The following SLC30A2 variants were observed in gnomAD, a reference collection of about 807,000 sequenced individuals.
SLC30A2 encodes solute carrier family 30 member 2, also known as proton-coupled zinc antiporter SLC30A2.
A neutral mutation model predicts 39.6 loss-of-function variants in SLC30A2; 19 were observed. The ratio of observed to expected loss-of-function variants is 0.48; its 90% CI spans 0.34 to 0.70. The LOEUF (loss-of-function observed/expected upper bound fraction) is 0.70, where lower values mean the gene tolerates loss of function less well. Among genes scored for constraint, SLC30A2 ranks in the 30% least tolerant of loss-of-function variants. SLC30A2 has a pLI of 0.01. For missense variants in SLC30A2, 387 were observed against 479.4 expected (o/e 0.81, Z 1.80); for synonymous variants, 195 against 194.8 (o/e 1.00, Z -0.01).
Position 26,039,182 on chromosome 1 carries a change from G to T in SLC30A2, c.1097C>A (p.Ala366Glu). ...DYSEDMKDCQ[A>E]CQGPSD is the part of the protein sequence containing the mutation. ...CAGTCAGTCTGAGGGGCCCTGGCAT[G>T]CCTGACAGTCCTTCATGTCCTCCGA... The change falls in exon 8 of 8, where the codon GCA becomes GAA. Residue 366 changes from alanine (A) to glutamate (E), a missense_variant. Transcript: ENST00000374276. This position sits in a 1 kb window ranked among gnomAD's most constrained non-coding sequence, Gnocchi z 4.3. The T allele has an allele frequency of 6.2e-7, 1 of 1,614,074 alleles. No homozygotes were observed. The highest frequency in any genetic ancestry group is 1.1e-5 in the South Asian group (1 of 91,084).
intron 2 of SLC30A2, 117 bp from the exon 3 acceptor site, chr1:26,044,561 C>T (rs538795869): frequency 1.0e-6 from 1 of 972,130 alleles, no homozygotes; most frequent in Non-Finnish European, 1.5e-6. Flanking sequence ...ATCTCTCTAC[C>T]CATGAGCTGT....
chr1:26,042,758 G>T, intron 4 of SLC30A2, 50 bp from the exon 5 acceptor site: 1 of 1,574,228 alleles, frequency 6.4e-7, no homozygotes, highest in Non-Finnish European at 8.7e-7. Flanking sequence ...GCAGATGGAG[G>T]TCACCTATTA....
intron 5 of SLC30A2, among the ~76,000 whole-genome samples, chr1:26,042,045 C>T (rs557334170): frequency 1.3e-5 from 2 of 152,358 alleles, no homozygotes; most frequent in East Asian, 3.9e-4. Flanking sequence ...GGAGCTGAGA[C>T]ATGGACAGAG....
intron 1 of SLC30A2, chr1:26,045,469 C>T (rs2050450900): frequency 5.0e-6 from 3 of 595,106 alleles, no homozygotes; most frequent in Admixed American, 6.0e-5. Flanking sequence ...GCGTGCTGTC[C>T]AGTGGAGCGC....
chr1:26,040,911 G>T (rs1027621031), intron 6 of SLC30A2, among the ~76,000 whole-genome samples: 11 of 52,802 alleles, frequency 2.1e-4, no homozygotes, highest in African/African-American at 5.7e-4. Context: ...GGGCAACATA[G>T]TGAGACCCCC....
chr1:26,042,835 GAA>G, intron 4 of SLC30A2, 127 bp from the exon 5 acceptor site: 1 of 824,824 alleles, frequency 1.2e-6, no homozygotes, highest in Non-Finnish European at 1.9e-6. Context: ...GGCCATGTGA[GAA>G]GTCCAACCCA....
intron 6 of SLC30A2, among the ~76,000 whole-genome samples, chr1:26,040,907 C>A (rs6682705): frequency 0.67 from 99,716 of 147,740 alleles, 34,111 homozygotes; most frequent in East Asian, 0.87. Flanking sequence ...GCCAGGGCAA[C>A]ATAGTGAGAC....
At chr1:26,044,859 A>T (rs554761343) in intron 2 of SLC30A2, 138 bp downstream of exon 2, 88 of 708,556 alleles carry the variant, frequency 1.2e-4, no homozygotes, top group Non-Finnish European at 2.0e-4. Context: ...GGTTGTTGTT[A>T]GACCTGCATC....
intron 2 of SLC30A2, 115 bp downstream of exon 2, chr1:26,044,882 T>C (rs959146830): frequency 3.0e-5 from 25 of 821,570 alleles, no homozygotes; most frequent in African/African-American, 2.0e-4. Context: ...ATAATGTGTA[T>C]ATAAAGGCTT....
At chr1:26,043,651 A>C in intron 3 of SLC30A2, 100 bp from the exon 4 acceptor site, 4 of 1,271,772 alleles carry the variant, frequency 3.1e-6, no homozygotes, top group Non-Finnish European at 4.3e-6. Flanking sequence ...CTCCCACACA[A>C]AGTCAGGGCC....
chr1:26,039,036 G>A lies in SLC30A2; in HGVS notation c.*124C>T, dbSNP rs922075712. 1.4e-6 allele frequency: 2 copies of A among 1,475,256 alleles called. No homozygotes were observed. The highest frequency in any genetic ancestry group is 2.2e-5 in the Admixed American group (1 of 44,546). The allele number at this position is 1,475,256 out of a possible 1,614,324, so 91.4% of individuals were successfully genotyped here. ...GCTCCATTCCTGGAGTGGGGCAGAGGTCAGGAGGGGGACCTGGTTTACAAC... is the reference window on the plus strand; with the variant it reads ...GCTCCATTCCTGGAGTGGGGCAGAGATCAGGAGGGGGACCTGGTTTACAAC... On this transcript the variant is annotated 3_prime_UTR_variant, in exon 8 of 8. Transcript: ENST00000374276. This position sits in a 1 kb window ranked among gnomAD's most constrained non-coding sequence, Gnocchi z 4.3.
chr1:26,041,944 A>G (rs2050402708), intron 5 of SLC30A2, 139 bp from the exon 6 acceptor site: 2 of 614,994 alleles, frequency 3.3e-6, no homozygotes, highest in South Asian at 2.0e-5. Context: ...CCTGCCTCCC[A>G]GTTTTCTGCT....
chr1:26,044,298 C>G lies in SLC30A2; in HGVS notation c.418G>C (p.Glu140Gln). ...KTMNFGWQRA[E>Q]ILGALVSVLS... ...TCTCCAGCCAAACCGCGATCCTCAC[C>G]AGCTCTCTGCCAGCCAAAGTTCATG... The change falls in exon 3 of 8, where the codon GAG becomes CAG. Residue 140 changes from glutamate to glutamine, a missense_variant and splice_region_variant. Physicochemically the swap from Glu to Gln is conservative, Grantham distance 29. Coordinates refer to ENST00000374276, the MANE Select transcript of SLC30A2 (RefSeq NM_001004434.3). 1 of 1,613,986 alleles carries G rather than the reference C, an allele frequency of 6.2e-7. No individual in the cohort carries two copies. The highest frequency in any genetic ancestry group is 8.5e-7 in the Non-Finnish European group (1 of 1,179,928).
intron 3 of SLC30A2, among the ~76,000 whole-genome samples, chr1:26,043,869 G>A (rs1407460981): frequency 6.6e-6 from 1 of 152,196 alleles, no homozygotes; most frequent in African/African-American, 2.4e-5. Context: ...AAGACAGGCT[G>A]GGCCATCTCC....
chr1:26,040,079 T>G (rs2124421026), intron 6 of SLC30A2, among the ~76,000 whole-genome samples, 168 bp from the exon 7 acceptor site: 1 of 152,296 alleles, frequency 6.6e-6, no homozygotes, highest in African/African-American at 2.4e-5. Context: ...CCTATCACTC[T>G]GTTGTATTTC....
Position 26,045,892 on chromosome 1 carries a change from T to G in SLC30A2, c.5A>C (p.Glu2Ala), listed in dbSNP as rs1479289836. Residue 2 changes from glutamate to alanine, a missense_variant, in exon 1 of 8, where the codon GAG becomes GCG. Coordinates refer to ENST00000374276, the MANE Select transcript of SLC30A2 (RefSeq NM_001004434.3). The stretch of plus-strand genomic sequence containing the variant: ...CAACAGATGCTGCTTCTCCTTGGCC[T>G]CCATGCAGTCCCGCGCCGAGTCCCG... M[E>A]AKEKQHLLDA... 1 of 1,612,054 alleles carries G rather than the reference T, an allele frequency of 6.2e-7. No homozygotes were observed. The highest frequency in any genetic ancestry group is 1.3e-5 in the African/African-American group (1 of 75,022).
At chr1:26,045,553 C>T (rs1327162300) in intron 1 of SLC30A2, 3 of 604,818 alleles carry the variant, frequency 5.0e-6, no homozygotes, top group Non-Finnish European at 8.7e-6. Context: ...AGGGCCTCCC[C>T]GGGGCGGGGC....
rs1403049552 is a variant in SLC30A2 at position 26,045,038 on chromosome 1, G to A, written c.230C>T (p.Ala77Val). 6.2e-7 allele frequency: 1 copy of A among 1,614,252 alleles called. No individual in the cohort carries two copies. Among genetic ancestry groups the A allele is most frequent in the South Asian group, 1.1e-5 (1 of 91,086 alleles). Residue 77 changes from alanine to valine, a missense_variant, in exon 2 of 8, where the codon GCC becomes GTC. By Grantham distance (64) the Ala-to-Val change is moderately conservative. Coordinates refer to ENST00000374276, the MANE Select transcript of SLC30A2 (RefSeq NM_001004434.3). ...KGKAQRQLYVASAICLLFMIG... is the reference protein window; with the variant it reads ...KGKAQRQLYVVSAICLLFMIG... Reference sequence around the variant, plus strand: ...CATGAACAACAGGCAGATGGCAGAGGCTACATACAGCTGGCGCTGGGCCTT... The same window carrying A: ...CATGAACAACAGGCAGATGGCAGAGACTACATACAGCTGGCGCTGGGCCTT...
At position 26,045,173 on chromosome 1, in the gene SLC30A2, G is replaced by A. The variant is rs1049722584; in HGVS notation, c.95C>T (p.Pro32Leu). 1.2e-5 allele frequency: 19 copies of A among 1,612,796 alleles called. No homozygotes were observed. Among genetic ancestry groups the A allele is most frequent in the Non-Finnish European group, 1.4e-5 (17 of 1,180,002 alleles). Residue 32 changes from proline to leucine, a missense_variant, in exon 2 of 8, where the codon CCT (proline) becomes CTT (leucine). Transcript: ENST00000374276. ...SLWQEGAGWI[P>L]LPRPGLDLQA... ...CAAGTCCAGGCCAGGTCGGGGCAGA[G>A]GAATCCAGCCAGCCCCTTCCTGCCA...
Sources: allele counts gnomAD v4.1 joint callset (sites outside exome capture counted in the v4.1 genomes callset), GRCh38; gene constraint gnomAD v4.1.1; non-coding constraint Gnocchi (gnomAD v3.1); transcripts MANE v1.5; gene names NCBI Gene and HGNC (gene_info 2026-07-23, HGNC 2026-07-21).